The following SGTA variants were observed in gnomAD, a reference collection of about 807,000 sequenced individuals.
The protein encoded by SGTA is small glutamine rich tetratricopeptide repeat co-chaperone alpha.
Under a neutral mutation model 44.3 loss-of-function variants are expected in SGTA, and 22 were observed. That is an observed-to-expected ratio of 0.50 (90% confidence interval 0.36 to 0.71). SGTA has a LOEUF of 0.71. SGTA is among the 30% of genes least tolerant of loss of function. The pLI, the probability that SGTA is intolerant of heterozygous loss-of-function variation, is 0.00. For missense variants in SGTA, 341 were observed against 435.9 expected (o/e 0.78, Z 1.94); for synonymous variants, 174 against 177.6 (o/e 0.98, Z 0.16).
At chr19:2,766,027 GCCAACACA>G (rs1444743945) in intron 4 of SGTA, among the ~76,000 whole-genome samples, 1 of 152,136 alleles carries the variant, frequency 6.6e-6, no homozygotes, top group South Asian at 2.1e-4. Flanking sequence ...GACCATCCTG[GCCAACACA>G]GTGAAACCTG....
intron 1 of SGTA, among the ~76,000 whole-genome samples, chr19:2,769,697 G>A (rs891538166): frequency 6.6e-6 from 1 of 152,060 alleles, no homozygotes. Context: ...TTGGGGACCC[G>A]TCTTGTTCCC....
At chr19:2,766,350 T>G (rs941105860) in intron 4 of SGTA, among the ~76,000 whole-genome samples, 8 of 152,222 alleles carry the variant, frequency 5.3e-5, no homozygotes, top group Non-Finnish European at 1.0e-4. Context: ...CATTCCACCG[T>G]GTAGATGGGC....
Position 2,761,490 on chromosome 19 carries a change from G to A in SGTA, c.669C>T (p.Gly223=), listed in dbSNP as rs1173693718. The change falls in exon 8 of 12, where the codon GGC becomes GGT. Residue 223 remains glycine, a synonymous_variant. Transcript: ENST00000221566. The surrounding 1 kb of genome is among the most constrained non-coding windows in gnomAD (Gnocchi z 5.7). The part of the protein sequence containing the change: ...TGGVGSFDIA[G]LLNNPGFMSM... ...TCATGAAGCCAGGGTTGTTCAGCAG[G>A]CCGGCGATGTCGAAGCTGCCCACGC... 1 of 1,551,586 alleles carries A rather than the reference G, an allele frequency of 6.4e-7. No homozygotes were observed. The highest frequency in any genetic ancestry group is 1.4e-5 in the African/African-American group (1 of 73,134).
At chr19:2,771,340 C>A (rs979748863) in intron 1 of SGTA, among the ~76,000 whole-genome samples, 1 of 152,138 alleles carries the variant, frequency 6.6e-6, no homozygotes, top group African/African-American at 2.4e-5. Flanking sequence ...AGGAGAATCA[C>A]TTGAACCAGG....
chr19:2,782,916 A>C (rs1224517388), intron 1 of SGTA, among the ~76,000 whole-genome samples: 1 of 152,210 alleles, frequency 6.6e-6, no homozygotes, highest in Non-Finnish European at 1.5e-5. Flanking sequence ...CAGGCGGTTA[A>C]TAAGAGCGGA....
intron 1 of SGTA, among the ~76,000 whole-genome samples, chr19:2,774,856 G>C (rs928640174): frequency 6.6e-6 from 1 of 152,120 alleles, no homozygotes; most frequent in Non-Finnish European, 1.5e-5. Flanking sequence ...CTGTGTGCGC[G>C]CGCATGTGTG....
chr19:2,765,124 G>C lies in SGTA; in HGVS notation c.392+62C>G. The C allele has an allele frequency of 1.7e-6, 2 of 1,164,322 alleles. No individual in the cohort carries two copies. The highest frequency in any genetic ancestry group is 2.6e-6 in the Non-Finnish European group (2 of 772,994). The allele number at this position is 1,164,322 out of a possible 1,614,324, so 72.1% of individuals were successfully genotyped here. On this transcript the variant is annotated intron_variant, in intron 5 of 11. Transcript: ENST00000221566. The surrounding 1 kb of genome is among the most constrained non-coding windows in gnomAD (Gnocchi z 5.5). ...CTCTCCCATCTCAGGTCCCTGCTAA[G>C]CATCCCGGAGGACGCCCCCGCACCC...
At chr19:2,758,236 A>G (rs1914883174) in intron 9 of SGTA, among the ~76,000 whole-genome samples, 1 of 152,080 alleles carries the variant, frequency 6.6e-6, no homozygotes, top group Admixed American at 6.5e-5. Context: ...ATGCTTTAAG[A>G]TTTGACCGTG....
At position 2,767,480 on chromosome 19, in the gene SGTA, G is replaced by T; in HGVS notation, c.207+100C>A. 1 of 997,422 alleles carries T rather than the reference G, an allele frequency of 1.0e-6. No individual in the cohort carries two copies. Among genetic ancestry groups the T allele is most frequent in the Non-Finnish European group, 1.6e-6 (1 of 644,016 alleles). The allele number at this position is 997,422 out of a possible 1,614,324, so 61.8% of individuals were successfully genotyped here. A position where few individuals can be genotyped will look rare whatever the true frequency, so the allele number is the denominator to read the frequency against. ...GCCCAGGAGAGGATGCAGGCAGAGT[G>T]CTGGGGGACGATGAGAGCGGGGCTC... is the stretch of plus-strand genomic sequence containing the variant. On this transcript the variant is annotated intron_variant, in intron 3 of 11. Transcript: ENST00000221566. This position sits in a 1 kb window ranked among gnomAD's most constrained non-coding sequence, Gnocchi z 7.3.
At chr19:2,770,658 G>A (rs538889766) in intron 1 of SGTA, 1 of 152,732 alleles carries the variant, frequency 6.5e-6, no homozygotes, top group East Asian at 1.9e-4. Context: ...TGTCTTTGCA[G>A]ATGGAAACAA....
intron 8 of SGTA, among the ~76,000 whole-genome samples, chr19:2,760,165 G>A (rs915766940): frequency 5.9e-5 from 9 of 152,090 alleles, no homozygotes; most frequent in Admixed American, 2.6e-4. Flanking sequence ...CAGCTCTGCC[G>A]CCGTATCATG....
At chr19:2,756,146 G>A (rs1914813164) in intron 11 of SGTA, among the ~76,000 whole-genome samples, 2 of 152,128 alleles carry the variant, frequency 1.3e-5, no homozygotes, top group Middle Eastern at 3.4e-3. Flanking sequence ...TGACCTAGAA[G>A]GGTCTACAGT....
rs571262797 is a variant in SGTA, at chr19:2,761,289, G to T, written c.699+171C>A. On this transcript the variant is annotated intron_variant, in intron 8 of 11. Transcript: ENST00000221566. This position sits in a 1 kb window ranked among gnomAD's most constrained non-coding sequence, Gnocchi z 5.7. Reference sequence around the variant, plus strand: ...CTGACATGGGGCGGGTGAGGCCAGGGGTGCTGCCAGCGCCCTGCGGTGCCC... The same window carrying T: ...CTGACATGGGGCGGGTGAGGCCAGGTGTGCTGCCAGCGCCCTGCGGTGCCC... Among the ~76,000 whole-genome samples the T allele has an allele frequency of 6.6e-5, 10 of 152,274 alleles. No homozygotes were observed. The South Asian group carries it at 1.2e-3, about 19-fold the overall frequency.
At chr19:2,756,938 G>T (rs771367827) in intron 11 of SGTA, among the ~76,000 whole-genome samples, 1 of 152,150 alleles carries the variant, frequency 6.6e-6, no homozygotes, top group African/African-American at 2.4e-5. Flanking sequence ...TCCACCACTC[G>T]ATGACCTCGC....
chr19:2,764,281 C>G (rs1915080439), intron 5 of SGTA, among the ~76,000 whole-genome samples: 1 of 152,226 alleles, frequency 6.6e-6, no homozygotes, highest in Non-Finnish European at 1.5e-5. Flanking sequence ...GTCCTGTAAG[C>G]CTGAAGCAGA....
At position 2,762,580 on chromosome 19, in the gene SGTA, G is replaced by A; in HGVS notation, c.562C>T (p.Leu188=). The change falls in exon 7 of 12, where the codon CTG becomes TTG. Residue 188 remains leucine (L), a synonymous_variant. Transcript: ENST00000221566. ...TTGTATGTCTCGTTGTCGGGGTCCA[G>A]CTCCAGAGCCTTCTTGTAGTAAGCC... ...AVAYYKKALE[L]DPDNETYKSN... is the part of the protein sequence containing the mutation. 1.2e-6 allele frequency: 2 copies of A among 1,614,114 alleles called. No individual in the cohort carries two copies. The highest frequency in any genetic ancestry group is 1.7e-6 in the Non-Finnish European group (2 of 1,179,994).
intron 5 of SGTA, among the ~76,000 whole-genome samples, chr19:2,764,574 T>G (rs189811017): frequency 6.5e-4 from 97 of 150,296 alleles, no homozygotes; most frequent in Non-Finnish European, 1.2e-3. Flanking sequence ...ATTTTTGTGG[T>G]TTTTTTCGGG....
chr19:2,763,504 G>A lies in SGTA; in HGVS notation c.497+149C>T, dbSNP rs1005584959. The A allele has an allele frequency of 3.5e-5, 20 of 575,762 alleles. No homozygotes were observed. Among genetic ancestry groups the A allele is most frequent in the Non-Finnish European group, 5.3e-5 (17 of 323,174 alleles). 35.7% of individuals were successfully genotyped at this position (575,762 alleles called of 1,614,324 possible). A position where few individuals can be genotyped will look rare whatever the true frequency, so the allele number is the denominator to read the frequency against. The stretch of plus-strand genomic sequence containing the variant: ...GCCTGTGACCTGTAGGGACTACGTT[G>A]GCTCCGAACAGCTAGTGTCAGAGTT... On this transcript the variant is annotated intron_variant, in intron 6 of 11. Coordinates refer to ENST00000221566, the MANE Select transcript of SGTA (RefSeq NM_003021.4). The surrounding 1 kb of genome is among the most constrained non-coding windows in gnomAD (Gnocchi z 5.8).
chr19:2,767,811 G>T lies in SGTA; in HGVS notation c.101-125C>A, dbSNP rs375160809. The T allele has an allele frequency of 1.4e-6, 1 of 714,904 alleles. No homozygotes were observed. The highest frequency in any genetic ancestry group is 1.8e-5 in the African/African-American group (1 of 56,988). The allele number at this position is 714,904 out of a possible 1,614,324, so 44.3% of individuals were successfully genotyped here. A position where few individuals can be genotyped will look rare whatever the true frequency, so the allele number is the denominator to read the frequency against. On this transcript the variant is annotated intron_variant, in intron 2 of 11. Coordinates refer to ENST00000221566, the MANE Select transcript of SGTA (RefSeq NM_003021.4). This position sits in a 1 kb window ranked among gnomAD's most constrained non-coding sequence, Gnocchi z 7.3. ...TGTTCATTCCCAAGGACCCCAGAAC[G>T]CAGGGGCCGCCGCCTGTGCTCTGGG...
Sources: gnomAD v4.1 joint callset for allele counts (sites outside exome capture counted in the v4.1 genomes callset) on GRCh38, gnomAD v4.1.1 for gene constraint, Gnocchi (gnomAD v3.1) non-coding constraint, MANE v1.5 for transcripts, NCBI Gene and HGNC (gene_info 2026-07-23, HGNC 2026-07-21) for gene names.